Variants in CKAP2L observed in about 807,000 individuals in gnomAD.
The protein encoded by CKAP2L is cytoskeleton associated protein 2L, also known as cytoskeleton-associated protein 2-like.
A neutral mutation model predicts 65.7 loss-of-function variants in CKAP2L; 42 were observed. The observed-to-expected ratio is 0.64, with a 90% confidence interval of 0.50 to 0.83. The LOEUF (loss-of-function observed/expected upper bound fraction) is 0.83, where lower values mean the gene tolerates loss of function less well. Ranked by LOEUF, CKAP2L falls within the 40% of genes least tolerant of loss-of-function variation. The probability of loss-of-function intolerance (pLI) is 0.00; values close to 1 mark genes in which losing one functional copy is unlikely to be tolerated. For synonymous variants in CKAP2L, 325 were observed against 313.5 expected (o/e 1.04, Z -0.39); for missense variants, 908 against 871.0 (o/e 1.04, Z -0.53).
At chr2:112,755,929 T>C (rs1246565748) in intron 4 of CKAP2L, 48 bp downstream of exon 4, 2 of 1,505,696 alleles carry the variant, frequency 1.3e-6, no homozygotes, top group Non-Finnish European at 1.8e-6. Flanking sequence ...GATGGTCAAT[T>C]TGCCTAATCA....
rs1046097030 is a variant in CKAP2L at position 112,752,467 on chromosome 2, G to T, written c.1402C>A (p.Leu468Ile). 2 of 1,595,496 alleles carry T rather than the reference G, an allele frequency of 1.3e-6. No homozygotes were observed. The highest frequency in any genetic ancestry group is 2.3e-5 in the South Asian group (2 of 87,734). The stretch of plus-strand genomic sequence containing the variant: ...CCCTTAGATTTCTGCCATTCTTCTA[G>T]TTGTTTCCTGAAATTCAATTAAAGG... The part of the protein sequence containing the change: ...KATAEDRRKQ[L>I]EEWQKSKGKT... Residue 468 changes from leucine (L) to isoleucine (I), a missense_variant, in exon 5 of 9, where the codon CTA becomes ATA. Leu to Ile is a conservative substitution (Grantham distance 5). Transcript: ENST00000302450.
chr2:112,751,792 A>G (rs1015725114), intron 5 of CKAP2L, among the ~76,000 whole-genome samples: 6 of 152,138 alleles, frequency 3.9e-5, no homozygotes, highest in African/African-American at 1.4e-4. Context: ...TTTGCCTACC[A>G]TCTATTTTAT....
In CKAP2L at chr2:112,756,163, C is replaced by T. The variant is rs760042014; in HGVS notation, c.1208G>A (p.Gly403Asp). 3.1e-6 allele frequency: 5 copies of T among 1,613,950 alleles called. No homozygotes were observed. The African/African-American group carries it at 5.3e-5, about 17-fold the overall frequency. Residue 403 changes from glycine (G) to aspartate (D), a missense_variant, in exon 4 of 9, where the codon GGT becomes GAT. Coordinates refer to ENST00000302450, the MANE Select transcript of CKAP2L (RefSeq NM_152515.5). The stretch of plus-strand genomic sequence containing the variant: ...AAAGCCATTATTGTTATGTTTATTA[C>T]CACTGGTTCCATTTGGTCTTATGCT... Reference protein sequence around the residue: ...TPSIRPNGTSGNKHNNNGFQQ... With the variant: ...TPSIRPNGTSDNKHNNNGFQQ...
chr2:112,742,861 TAA>T (rs1157924246), intron 6 of CKAP2L, 92 bp from the exon 7 acceptor site: 1 of 808,124 alleles, frequency 1.2e-6, no homozygotes, highest in East Asian at 2.5e-5. Flanking sequence ...TGTTTTATAA[TAA>T]AAGTTTCCTT....
chr2:112,752,591 C>T (rs1680406462), intron 4 of CKAP2L, 117 bp from the exon 5 acceptor site: 2 of 691,164 alleles, frequency 2.9e-6, no homozygotes, highest in Non-Finnish European at 4.8e-6. Flanking sequence ...CAGACAAAAT[C>T]AGGAGAATGG....
intron 4 of CKAP2L, among the ~76,000 whole-genome samples, chr2:112,754,252 G>C (rs952266902): frequency 6.6e-6 from 1 of 151,962 alleles, no homozygotes; most frequent in Non-Finnish European, 1.5e-5. Flanking sequence ...TTATAGTTTT[G>C]GTTTTTCCAG....
chr2:112,744,712 AG>A (rs1680146223), intron 6 of CKAP2L, among the ~76,000 whole-genome samples: 1 of 152,216 alleles, frequency 6.6e-6, no homozygotes, highest in African/African-American at 2.4e-5. Flanking sequence ...AGATTTCTCC[AG>A]ATAACTTGAC....
chr2:112,760,136 A>T (rs1680674686), intron 3 of CKAP2L, among the ~76,000 whole-genome samples: 1 of 152,190 alleles, frequency 6.6e-6, no homozygotes, highest in South Asian at 2.1e-4. Flanking sequence ...TTCCATTTAA[A>T]CTTTAAGTTA....
chr2:112,747,365 CTAGAG>C (rs71826397), intron 5 of CKAP2L, among the ~76,000 whole-genome samples: 68,526 of 151,000 alleles, frequency 0.45, 16,241 homozygotes, highest in African/African-American at 0.62. Context: ...AAAACAAATC[CTAGAG>C]TAAACATTTA....
intron 4 of CKAP2L, among the ~76,000 whole-genome samples, chr2:112,753,373 T>A (rs1680435346): frequency 6.6e-6 from 1 of 152,158 alleles, no homozygotes; most frequent in Non-Finnish European, 1.5e-5. Context: ...TGCCAAGAAC[T>A]TTCCACAGCT....
At chr2:112,758,253 T>C (rs1434036217) in intron 3 of CKAP2L, among the ~76,000 whole-genome samples, 1 of 152,192 alleles carries the variant, frequency 6.6e-6, no homozygotes, top group East Asian at 1.9e-4. Flanking sequence ...TTAGAATTCA[T>C]ATGGTAAGTA....
rs149874262 is a variant in CKAP2L, at chr2:112,739,841, T to A, written c.2013-793A>T. On this transcript the variant is annotated intron_variant, in intron 8 of 8. Coordinates refer to ENST00000302450, the MANE Select transcript of CKAP2L (RefSeq NM_152515.5). ...GGCTAATTTTTTATTTTTCATAGAG[T>A]TGGGGTCTCCCTATGCTGCCCAGGC... Among the ~76,000 whole-genome samples, 689 of 152,130 alleles carry A rather than the reference T, an allele frequency of 4.5e-3. 6 individuals are homozygous for A. The highest frequency in any genetic ancestry group is 0.016 in the African/African-American group (663 of 41,498).
intron 4 of CKAP2L, among the ~76,000 whole-genome samples, chr2:112,754,273 A>C (rs919147390): frequency 5.3e-5 from 8 of 152,186 alleles, no homozygotes; most frequent in African/African-American, 1.7e-4. Flanking sequence ...AATGCCAATA[A>C]CTAAGTTTTG....
At chr2:112,748,625 G>A (rs1055139619) in intron 5 of CKAP2L, among the ~76,000 whole-genome samples, 2 of 152,316 alleles carry the variant, frequency 1.3e-5, no homozygotes, top group Admixed American at 6.5e-5. Flanking sequence ...ACTTTGGGAA[G>A]CTGAGGCAGA....
At chr2:112,753,478 C>T (rs946396033) in intron 4 of CKAP2L, among the ~76,000 whole-genome samples, 1 of 151,786 alleles carries the variant, frequency 6.6e-6, no homozygotes, top group Non-Finnish European at 1.5e-5. Context: ...ACTAGTCTCC[C>T]TGTCACTCAC....
At position 112,757,183 on chromosome 2, in the gene CKAP2L, T is replaced by G. The variant is rs765099021; in HGVS notation, c.188A>C (p.His63Pro). 11 of 1,610,540 alleles carry G rather than the reference T, an allele frequency of 6.8e-6. No homozygotes were observed. Among genetic ancestry groups the G allele is most frequent in the Non-Finnish European group, 8.5e-6 (10 of 1,178,214 alleles). Reference protein sequence around the residue: ...TIRPKNDVTNHVVLPVKPKRS... With the variant: ...TIRPKNDVTNPVVLPVKPKRS... ...TTTAGGTTTGACAGGCAAAACAACA[T>G]GGTTGGTAACATCATTTTTGGGTCT... is the stretch of plus-strand genomic sequence containing the variant. The change falls in exon 4 of 9, where the codon CAT becomes CCT. Residue 63 changes from histidine (H) to proline (P), a missense_variant. By Grantham distance (77) the His-to-Pro change is moderately conservative. Coordinates refer to ENST00000302450, the MANE Select transcript of CKAP2L (RefSeq NM_152515.5).
At chr2:112,762,648 C>G in intron 1 of CKAP2L, 79 bp from the exon 2 acceptor site, 1 of 1,179,116 alleles carries the variant, frequency 8.5e-7, no homozygotes, top group Non-Finnish European at 1.3e-6. Context: ...TAAAAGATGA[C>G]ACTTTTCTCT....
intron 5 of CKAP2L, among the ~76,000 whole-genome samples, chr2:112,751,217 C>T (rs1680362864): frequency 6.6e-6 from 1 of 152,094 alleles, no homozygotes; most frequent in Non-Finnish European, 1.5e-5. Flanking sequence ...AAGGAAAATA[C>T]TCAACTCATC....
In CKAP2L at chr2:112,756,506, C is replaced by CT. The variant is rs1326031647; in HGVS notation, c.864dup (p.Val289SerfsTer18). On this transcript the variant is annotated frameshift_variant, in exon 4 of 9. Coordinates refer to ENST00000302450, the MANE Select transcript of CKAP2L (RefSeq NM_152515.5). LOFTEE classifies it high-confidence loss of function. Reference sequence around the variant, plus strand: ...ACTACTGGTTTCTTTGATGACTGAACTTTACTAAGGGTCCGAATAAAGTGA... The same window carrying CT: ...ACTACTGGTTTCTTTGATGACTGAACTTTTACTAAGGGTCCGAATAAAGTGA... 1 of 1,608,904 alleles carries CT rather than the reference C, an allele frequency of 6.2e-7. No homozygotes were observed. Among genetic ancestry groups the CT allele is most frequent in the Non-Finnish European group, 8.5e-7 (1 of 1,178,096 alleles).
Sources: gnomAD v4.1 joint callset for allele counts (sites outside exome capture counted in the v4.1 genomes callset) on GRCh38, gnomAD v4.1.1 for gene constraint, MANE v1.5 for transcripts, NCBI Gene and HGNC (gene_info 2026-07-23, HGNC 2026-07-21) for gene names.